Variants in MIEF1 observed in about 807,000 individuals in gnomAD.
MIEF1 encodes mitochondrial dynamics protein MIEF1.
In MIEF1, 14 loss-of-function variants were observed where a neutral mutation model predicts 35.1. The observed-to-expected ratio is 0.40, with a 90% CI of 0.26 to 0.62. The LOEUF (loss-of-function observed/expected upper bound fraction) is 0.62. MIEF1 is among the 20% of genes least tolerant of loss of function. MIEF1 has a pLI of 0.43. For missense variants in MIEF1, 542 were observed against 615.4 expected, an observed-to-expected ratio of 0.88 and a Z score of 1.26; for synonymous variants, 245 against 254.3, an observed-to-expected ratio of 0.96 and a Z score of 0.35.
rs754991616 is a variant in MIEF1, at chr22:39,504,381, C to T, written c.-161C>T. ...TCAGAAGCTAGAGGACGCTGAGGCC[C>T]GGGAGAGGCAGCTGGAGAAGGGCCT... On this transcript the variant is annotated 5_prime_UTR_variant, in exon 2 of 6. Coordinates refer to ENST00000325301, the MANE Select transcript of MIEF1 (RefSeq NM_019008.6). 12 of 398,842 alleles carry T rather than the reference C, an allele frequency of 3.0e-5. No individual in the cohort carries two copies. The highest frequency in any genetic ancestry group is 1.8e-4 in the Admixed American group (4 of 22,692). The allele number at this position is 398,842 out of a possible 1,614,324, so 24.7% of individuals were successfully genotyped here.
intron 3 of MIEF1, 79 bp downstream of exon 3, chr22:39,511,517 T>C: frequency 6.9e-7 from 1 of 1,449,064 alleles, no homozygotes; most frequent in Non-Finnish European, 9.1e-7. Context: ...AAAGAAAATG[T>C]CGAAGCGTTC....
Position 39,504,339 on chromosome 22 carries a change from C to T in MIEF1, c.-203C>T, listed in dbSNP as rs116380354. On this transcript the variant is annotated 5_prime_UTR_variant, in exon 2 of 6. Coordinates refer to ENST00000325301, the MANE Select transcript of MIEF1 (RefSeq NM_019008.6). ...AGACTTCTACTTTGCCTCCATCCGC[C>T]GTGAATTCCGAAAAAATCAGAAGCT... is the stretch of plus-strand genomic sequence containing the variant. The T allele has an allele frequency of 1.3e-3, 517 of 399,032 alleles. 2 individuals are homozygous for T. Among genetic ancestry groups the T allele is most frequent in the African/African-American group, 9.4e-3 (458 of 48,718 alleles). 24.7% of individuals were successfully genotyped at this position (399,032 alleles called of 1,614,324 possible).
chr22:39,504,485 A>C lies in MIEF1; in HGVS notation c.-57A>C, dbSNP rs1198900964. 2.0e-5 allele frequency: 8 copies of C among 398,544 alleles called. No individual in the cohort carries two copies. Among genetic ancestry groups the C allele is most frequent in the African/African-American group, 1.4e-4 (7 of 48,534 alleles). The allele number at this position is 398,544 out of a possible 1,614,324, so 24.7% of individuals were successfully genotyped here. ...GAGGACAAAGGTGCCTTCTGTAGACACTCCTGCTCTCTTCCATCCCCATCT... is the reference window on the plus strand; with the variant it reads ...GAGGACAAAGGTGCCTTCTGTAGACCCTCCTGCTCTCTTCCATCCCCATCT... On this transcript the variant is annotated 5_prime_UTR_variant, in exon 2 of 6. Coordinates refer to ENST00000325301, the MANE Select transcript of MIEF1 (RefSeq NM_019008.6).
intron 2 of MIEF1, among the ~76,000 whole-genome samples, chr22:39,506,409 C>G (rs1220047538): frequency 6.6e-6 from 1 of 152,144 alleles, no homozygotes; most frequent in Non-Finnish European, 1.5e-5. Flanking sequence ...ATCTTGGTCA[C>G]ATACTTTACT....
Position 39,515,546 on chromosome 22 carries a change from C to A in MIEF1, c.*1223C>A. The A allele has an allele frequency of 1.7e-6, 1 of 583,164 alleles. No individual in the cohort carries two copies. The highest frequency in any genetic ancestry group is 3.1e-6 in the Non-Finnish European group (1 of 327,826). The allele number at this position is 583,164 out of a possible 1,614,324, so 36.1% of individuals were successfully genotyped here. ...TTTCTCACCCAGCACCTGGGGAGAT[C>A]GGTGCTACCAAGGAAGAGAGCACAC... On this transcript the variant is annotated 3_prime_UTR_variant, in exon 6 of 6. Coordinates refer to ENST00000325301, the MANE Select transcript of MIEF1 (RefSeq NM_019008.6).
At position 39,513,970 on chromosome 22, in the gene MIEF1, G is replaced by A; in HGVS notation, c.1039G>A (p.Ala347Thr). 1 of 1,613,004 alleles carries A rather than the reference G, an allele frequency of 6.2e-7. No individual in the cohort carries two copies. The highest frequency in any genetic ancestry group is 1.1e-5 in the South Asian group (1 of 91,078). ...GCTGAGCCTGCGTCCCGCGGAGACG[G>A]CACGCCTGCGGGCTCTGGACCAGGC... ...WRLSLRPAET[A>T]RLRALDQADS... Residue 347 changes from alanine (A) to threonine (T), a missense_variant, in exon 6 of 6, where the codon GCA becomes ACA. Ala to Thr is a moderately conservative substitution (Grantham distance 58). Transcript: ENST00000325301.
intron 2 of MIEF1, chr22:39,509,446 A>G (rs1257590399): frequency 2.0e-5 from 3 of 152,318 alleles, no homozygotes; most frequent in African/African-American, 4.8e-5. Context: ...CTCCACAGGA[A>G]TGGGCTTATC....
intron 5 of MIEF1, 78 bp downstream of exon 5, chr22:39,512,572 GGCTT>G: frequency 6.6e-7 from 1 of 1,514,746 alleles, no homozygotes; most frequent in South Asian, 1.3e-5. Context: ...CAGTGTCCCA[GGCTT>G]GCCAGAAAGA....
rs1930559035 is a variant in MIEF1, at chr22:39,514,544, C to A, written c.*221C>A. 3.5e-6 allele frequency: 2 copies of A among 574,562 alleles called. No individual in the cohort carries two copies. The highest frequency in any genetic ancestry group is 2.2e-5 in the South Asian group (1 of 45,374). The allele number at this position is 574,562 out of a possible 1,614,324, so 35.6% of individuals were successfully genotyped here. ...TACCAATCACTGTGCTCTCTGCCGC[C>A]CCCTGGCTCCAGGCTAATTTTTCTG... On this transcript the variant is annotated 3_prime_UTR_variant, in exon 6 of 6. Coordinates refer to ENST00000325301, the MANE Select transcript of MIEF1 (RefSeq NM_019008.6).
intron 5 of MIEF1, among the ~76,000 whole-genome samples, 185 bp downstream of exon 5, chr22:39,512,679 C>T (rs932979172): frequency 1.3e-5 from 2 of 152,050 alleles, no homozygotes; most frequent in African/African-American, 4.8e-5. Flanking sequence ...CGGAGTCTCA[C>T]TCTGTCGCCC....
At chr22:39,512,618 C>A in intron 5 of MIEF1, 124 bp downstream of exon 5, 1 of 1,255,392 alleles carries the variant, frequency 8.0e-7, no homozygotes. Context: ...ATCCTGTGTA[C>A]CTCAGCAGCA....
chr22:39,505,518 C>T (rs1430782720), intron 2 of MIEF1, among the ~76,000 whole-genome samples: 1 of 152,160 alleles, frequency 6.6e-6, no homozygotes, highest in African/African-American at 2.4e-5. Context: ...AGTCTGGAAA[C>T]TTAAGTCTGA....
Position 39,513,990 on chromosome 22 carries a change from C to A in MIEF1, c.1059C>A (p.Asp353Glu). ...AGACGGCACGCCTGCGGGCTCTGGA[C>A]CAGGCTGACTCGGGCTGCCGATCTC... ...PAETARLRAL[D>E]QADSGCRSLC... Residue 353 changes from aspartate to glutamate, a missense_variant, in exon 6 of 6, where the codon GAC (aspartate) becomes GAA (glutamate). Asp to Glu is a conservative substitution (Grantham distance 45). Transcript: ENST00000325301. 6.2e-7 allele frequency: 1 copy of A among 1,613,246 alleles called. No individual in the cohort carries two copies. The highest frequency in any genetic ancestry group is 8.5e-7 in the Non-Finnish European group (1 of 1,180,038).
At chr22:39,503,414 T>C (rs1569013620) in intron 1 of MIEF1, 2 of 152,260 alleles carry the variant, frequency 1.3e-5, no homozygotes, top group Non-Finnish European at 2.9e-5. Context: ...GACCACCTTC[T>C]AGATTCTTAA....
rs1205133417 is a variant in MIEF1 at position 39,514,471 on chromosome 22, ACATCTCTTT to A, written c.*150_*158del. The A allele has an allele frequency of 6.9e-6, 5 of 726,232 alleles. No homozygotes were observed. The highest frequency in any genetic ancestry group is 1.1e-5 in the Non-Finnish European group (5 of 446,620). The allele number at this position is 726,232 out of a possible 1,614,324, so 45.0% of individuals were successfully genotyped here. A position where few individuals can be genotyped will look rare whatever the true frequency, so the allele number is the denominator to read the frequency against. ...TGGTCACTTCATGCTGATTAGAATG[ACATCTCTTT>A]CGTCTCCTATTTTGTTACCCAACTC... is the stretch of plus-strand genomic sequence containing the variant. On this transcript the variant is annotated 3_prime_UTR_variant, in exon 6 of 6. Transcript: ENST00000325301.
At chr22:39,507,524 C>T (rs777973416) in intron 2 of MIEF1, among the ~76,000 whole-genome samples, 45 of 149,918 alleles carry the variant, frequency 3.0e-4, no homozygotes, top group Non-Finnish European at 5.9e-4. Context: ...GGATTACAGG[C>T]GTGAGCCACC....
rs2145756187 is a variant in MIEF1 at position 39,516,097 on chromosome 22, CAT to C, written c.*1776_*1777del. The C allele has an allele frequency of 6.7e-6, 1 of 150,070 alleles. No individual in the cohort carries two copies. The highest frequency in any genetic ancestry group is 6.7e-5 in the Admixed American group (1 of 14,994). 9.3% of individuals were successfully genotyped at this position (150,070 alleles called of 1,614,324 possible). A position where few individuals can be genotyped will look rare whatever the true frequency, so the allele number is the denominator to read the frequency against. ...AAAGGTATTGAGAGGGAACAAAAAA[CAT>C]AAAGCTGAGAATCTTGAGAGAGCTC... On this transcript the variant is annotated 3_prime_UTR_variant, in exon 6 of 6. Transcript: ENST00000325301.
intron 3 of MIEF1, 123 bp from the exon 4 acceptor site, chr22:39,511,726 T>C (rs1941358196): frequency 6.0e-6 from 8 of 1,329,440 alleles, no homozygotes; most frequent in Non-Finnish European, 8.2e-6. Flanking sequence ...TATTCTATAA[T>C]CTAAAATAAA....
chr22:39,511,837 C>G lies in MIEF1; in HGVS notation c.145-12C>G, dbSNP rs758855925. On this transcript the variant is annotated splice_polypyrimidine_tract_variant and intron_variant, in intron 3 of 5. Coordinates refer to ENST00000325301, the MANE Select transcript of MIEF1 (RefSeq NM_019008.6). ...GGCAGGTTTATGTCCTGTGTCCTCT[C>G]TGCTATTTCAGATGTACGATCGGGC... The G allele has an allele frequency of 1.9e-6, 3 of 1,607,296 alleles. No homozygotes were observed. In the Admixed American group the frequency reaches 5.0e-5, roughly 27 times the overall value.
Sources: gnomAD v4.1 joint callset for allele counts (sites outside exome capture counted in the v4.1 genomes callset) on GRCh38, gnomAD v4.1.1 for gene constraint, MANE v1.5 for transcripts, NCBI Gene and HGNC (gene_info 2026-07-23, HGNC 2026-07-21) for gene names.